CDH13: variants seen among roughly 807,000 people sequenced by gnomAD.
CDH13 encodes the protein cadherin 13, also known as cadherin-13.
Under a neutral mutation model 63.8 loss-of-function variants are expected in CDH13, and 24 were observed. The ratio of observed to expected loss-of-function variants is 0.38; its 90% CI spans 0.27 to 0.53. The LOEUF is 0.53. Ranked by LOEUF, CDH13 falls within the 20% of genes least tolerant of loss-of-function variation. The pLI, the probability that CDH13 is intolerant of heterozygous loss-of-function variation, is 0.85. For synonymous variants in CDH13, 503 were observed against 355.3 expected, an observed-to-expected ratio of 1.42 and a Z score of -4.67; for missense variants, 1,049 against 903.1, an observed-to-expected ratio of 1.16 and a Z score of -2.07.
At position 82,773,226 on chromosome 16, in the gene CDH13, G is replaced by C. The variant is rs149651231; in HGVS notation, c.46-85136G>C. Reference sequence around the variant, plus strand: ...GTCAGGCTGTGTGAATTTTTTTGTGGTAAGAGAGATAAATGTCCCTCTTGT... The same window carrying C: ...GTCAGGCTGTGTGAATTTTTTTGTGCTAAGAGAGATAAATGTCCCTCTTGT... On this transcript the variant is annotated intron_variant, in intron 1 of 13. Transcript: ENST00000567109. 3 of 152,374 alleles carry C rather than the reference G, an allele frequency of 2.0e-5. No homozygotes were observed. In the South Asian group the frequency reaches 6.2e-4, roughly 32 times the overall value. The allele number at this position is 152,374 out of a possible 1,614,324, so 9.4% of individuals were successfully genotyped here.
At chr16:82,806,441 A>G (rs1321751355) in intron 1 of CDH13, among the ~76,000 whole-genome samples, 1 of 152,184 alleles carries the variant, frequency 6.6e-6, no homozygotes, top group Non-Finnish European at 1.5e-5. Context: ...TTCTTACAAA[A>G]CAAAACTTGG....
At chr16:83,192,752 C>A (rs1310714943) in intron 4 of CDH13, among the ~76,000 whole-genome samples, 1 of 152,084 alleles carries the variant, frequency 6.6e-6, no homozygotes, top group Non-Finnish European at 1.5e-5. Flanking sequence ...TATACAGACA[C>A]TTTATCTTGT....
chr16:83,486,530 A>T lies in CDH13; in HGVS notation c.835A>T (p.Asn279Tyr). 6.2e-7 allele frequency: 1 copy of T among 1,613,900 alleles called. No homozygotes were observed. The highest frequency in any genetic ancestry group is 8.5e-7 in the Non-Finnish European group (1 of 1,179,834). ...TGATGCAGATGACCCAGCCACCGAT[A>T]ATGCCCTCCTGCGGTATAATATCCG... ...AFDADDPATD[N>Y]ALLRYNIRQQ... Residue 279 changes from asparagine (N) to tyrosine (Y), a missense_variant, in exon 7 of 14, where the codon AAT becomes TAT. Coordinates refer to ENST00000567109, the MANE Select transcript of CDH13 (RefSeq NM_001257.5).
At chr16:82,918,041 G>T (rs929263239) in intron 2 of CDH13, among the ~76,000 whole-genome samples, 1 of 151,920 alleles carries the variant, frequency 6.6e-6, no homozygotes, top group South Asian at 2.1e-4. Flanking sequence ...ATAAGCCAAA[G>T]ATCACAAAAA....
In CDH13 at chr16:83,031,799, G is replaced by C. The variant is rs566762474; in HGVS notation, c.158-211G>C. ...AGAGCTTAGCACCTGCCTGGAACAT[G>C]CGAGTTCGTCAAGGACATGTCTTGA... On this transcript the variant is annotated intron_variant, in intron 2 of 13. Transcript: ENST00000567109. 3.9e-5 allele frequency among the ~76,000 whole-genome samples: 6 copies of C among 152,252 alleles called. No homozygotes were observed. In the South Asian group the frequency reaches 1.2e-3, roughly 32 times the overall value.
At chr16:82,770,289 C>A (rs1207172632) in intron 1 of CDH13, among the ~76,000 whole-genome samples, 1 of 152,192 alleles carries the variant, frequency 6.6e-6, no homozygotes, top group Non-Finnish European at 1.5e-5. Context: ...ACTGTTGTTA[C>A]CCAACCAATC....
intron 7 of CDH13, among the ~76,000 whole-genome samples, chr16:83,503,381 G>C (rs1366029331): frequency 6.6e-6 from 1 of 152,180 alleles, no homozygotes; most frequent in Non-Finnish European, 1.5e-5. Flanking sequence ...ATTCGGATGG[G>C]GTGGGATAAC....
intron 2 of CDH13, among the ~76,000 whole-genome samples, chr16:82,941,985 T>C (rs1904293119): frequency 6.6e-6 from 1 of 152,230 alleles, no homozygotes; most frequent in Non-Finnish European, 1.5e-5. Context: ...TCTCTTCCCT[T>C]TGTGTCTTGT....
intron 1 of CDH13, among the ~76,000 whole-genome samples, chr16:82,628,593 A>G (rs1461621015): frequency 2.0e-5 from 3 of 152,138 alleles, no homozygotes; most frequent in East Asian, 1.9e-4. Context: ...TTTCTTGGAT[A>G]TACAGTCCCG....
intron 8 of CDH13, among the ~76,000 whole-genome samples, chr16:83,660,232 C>G (rs893420409): frequency 2.6e-5 from 4 of 152,134 alleles, no homozygotes; most frequent in African/African-American, 9.7e-5. Context: ...TTGTAATATA[C>G]AATGACATAA....
At chr16:83,775,375 T>G (rs1239232896) in intron 11 of CDH13, among the ~76,000 whole-genome samples, 1 of 151,890 alleles carries the variant, frequency 6.6e-6, no homozygotes, top group Non-Finnish European at 1.5e-5. Flanking sequence ...CCCAACCACG[T>G]TGAAGACCTG....
intron 2 of CDH13, among the ~76,000 whole-genome samples, chr16:82,905,431 A>ATGTGTG (rs1424852646): frequency 2.4e-5 from 3 of 123,212 alleles, no homozygotes; most frequent in African/African-American, 3.3e-5. Context: ...CATGAATCAC[A>ATGTGTG]CGTGTGTGTG....
intron 4 of CDH13, among the ~76,000 whole-genome samples, chr16:83,209,916 C>A (rs1328044007): frequency 6.6e-6 from 1 of 152,070 alleles, no homozygotes; most frequent in Non-Finnish European, 1.5e-5. Context: ...GGGGGATGGC[C>A]ATCCAGCTAA....
At chr16:83,273,112 A>C (rs1013384672) in intron 5 of CDH13, among the ~76,000 whole-genome samples, 3 of 152,084 alleles carry the variant, frequency 2.0e-5, no homozygotes, top group Non-Finnish European at 1.5e-5. Context: ...GCAGTCTTTC[A>C]CCCTAGTTTT....
intron 1 of CDH13, among the ~76,000 whole-genome samples, chr16:82,689,338 G>T (rs1040981111): frequency 2.0e-5 from 3 of 152,044 alleles, no homozygotes; most frequent in Admixed American, 6.5e-5. Flanking sequence ...TAGGTAAATT[G>T]TTAGTTATCA....
intron 2 of CDH13, chr16:82,954,441 C>G (rs1325014181): frequency 1.3e-5 from 2 of 152,036 alleles, no homozygotes; most frequent in Non-Finnish European, 2.9e-5. Flanking sequence ...TGCTGCACTT[C>G]CGTCCTACAA....
At chr16:82,673,893 C>T (rs1373404763) in intron 1 of CDH13, among the ~76,000 whole-genome samples, 2 of 152,226 alleles carry the variant, frequency 1.3e-5, no homozygotes, top group Non-Finnish European at 2.9e-5. Context: ...AACTAAAATT[C>T]TATCCAGGTC....
intron 5 of CDH13, among the ~76,000 whole-genome samples, chr16:83,324,942 C>T (rs1362209978): frequency 6.6e-6 from 1 of 152,150 alleles, no homozygotes; most frequent in East Asian, 1.9e-4. Context: ...CAGGCCCAGC[C>T]CATGTCACCT....
chr16:83,521,229 C>G (rs565042463), intron 7 of CDH13, among the ~76,000 whole-genome samples: 37 of 152,216 alleles, frequency 2.4e-4, no homozygotes, highest in African/African-American at 8.9e-4. Context: ...TTTTCATCCT[C>G]TTAGGTTTCT....
Sources: gnomAD v4.1 joint callset for allele counts (sites outside exome capture counted in the v4.1 genomes callset) on GRCh38, gnomAD v4.1.1 for gene constraint, MANE v1.5 for transcripts, NCBI Gene and HGNC (gene_info 2026-07-23, HGNC 2026-07-21) for gene names.